Variants in PTPRM observed in about 807,000 individuals in gnomAD.
The protein encoded by PTPRM is protein tyrosine phosphatase receptor type M, also known as receptor-type tyrosine-protein phosphatase mu.
PTPRM carries 47 observed loss-of-function variants against 186.7 expected under a neutral mutation model. The observed-to-expected ratio is 0.25, with a 90% CI of 0.20 to 0.32. The LOEUF is 0.32. Among genes scored for constraint, PTPRM ranks in the 10% least tolerant of loss-of-function variants. The probability of loss-of-function intolerance (pLI) is 1.00; values close to 1 mark genes in which losing one functional copy is unlikely to be tolerated. For missense variants in PTPRM, 1,494 were observed against 1,865.0 expected (o/e 0.80, Z 3.66); for synonymous variants, 668 against 674.9 (o/e 0.99, Z 0.16).
chr18:8,008,757 C>T (rs2084340152), intron 7 of PTPRM, among the ~76,000 whole-genome samples: 1 of 150,354 alleles, frequency 6.7e-6, no homozygotes, highest in Non-Finnish European at 1.5e-5. Flanking sequence ...CATAGAAACA[C>T]GCACGTGCTT....
intron 14 of PTPRM, 43 bp downstream of exon 14, chr18:8,143,822 GT>G: frequency 1.9e-6 from 3 of 1,605,126 alleles, no homozygotes; most frequent in Non-Finnish European, 2.6e-6. Flanking sequence ...ATATCCCATT[GT>G]TTGCTGGAAT....
Position 8,076,508 on chromosome 18 carries a change from A to T in PTPRM, c.1495A>T (p.Ile499Leu). The T allele has an allele frequency of 6.2e-7, 1 of 1,610,552 alleles. No individual in the cohort carries two copies. Among genetic ancestry groups the T allele is most frequent in the Non-Finnish European group, 8.5e-7 (1 of 1,177,460 alleles). Residue 499 changes from isoleucine to leucine, a missense_variant, in exon 9 of 33, where the codon ATA becomes TTA. Physicochemically the swap from Ile to Leu is conservative, Grantham distance 5. Coordinates refer to ENST00000580170, the MANE Select transcript of PTPRM (RefSeq NM_001105244.2). ...SIQGSTFEEK[I>L]FLQWREPTQT... ...ACAAGGAAGTACCTTTGAAGAGAAGATATTTCTTCAGTGGAGAGAACCAAC... is the reference window on the plus strand; with the variant it reads ...ACAAGGAAGTACCTTTGAAGAGAAGTTATTTCTTCAGTGGAGAGAACCAAC...
intron 14 of PTPRM, among the ~76,000 whole-genome samples, chr18:8,219,281 C>T (rs531130319): frequency 1.6e-3 from 241 of 152,244 alleles, no homozygotes; most frequent in African/African-American, 5.5e-3. Flanking sequence ...TCCTGGCTAA[C>T]ATGGTGAAAC....
At chr18:7,960,811 G>A (rs1272210913) in intron 7 of PTPRM, among the ~76,000 whole-genome samples, 2 of 151,970 alleles carry the variant, frequency 1.3e-5, no homozygotes, top group African/African-American at 2.4e-5. Flanking sequence ...ACAATACAGT[G>A]TCAGATAAAT....
At chr18:7,993,753 G>A (rs1302367144) in intron 7 of PTPRM, among the ~76,000 whole-genome samples, 1 of 152,032 alleles carries the variant, frequency 6.6e-6, no homozygotes, top group Non-Finnish European at 1.5e-5. Flanking sequence ...GAAGTGAAAG[G>A]ATGTTCTCCA....
At chr18:7,597,680 G>C (rs1567974847) in intron 1 of PTPRM, among the ~76,000 whole-genome samples, 1 of 152,174 alleles carries the variant, frequency 6.6e-6, no homozygotes, top group African/African-American at 2.4e-5. Flanking sequence ...TCATGAAGTG[G>C]ATTATGGAAT....
At chr18:7,677,591 G>C (rs2039374959) in intron 1 of PTPRM, among the ~76,000 whole-genome samples, 1 of 152,086 alleles carries the variant, frequency 6.6e-6, no homozygotes, top group Non-Finnish European at 1.5e-5. Context: ...CACGTGGCTG[G>C]GCAAATTCTT....
chr18:7,792,968 T>C (rs921120700), intron 2 of PTPRM, among the ~76,000 whole-genome samples: 1 of 152,226 alleles, frequency 6.6e-6, no homozygotes, highest in Non-Finnish European at 1.5e-5. Context: ...ATAATTTTTT[T>C]AAATTTTATT....
intron 19 of PTPRM, among the ~76,000 whole-genome samples, chr18:8,274,600 T>A (rs1026123751): frequency 9.9e-5 from 15 of 152,204 alleles, no homozygotes; most frequent in Admixed American, 9.8e-4. Context: ...GAAGGCCATT[T>A]TTCAGAATGA....
intron 26 of PTPRM, chr18:8,377,265 G>T (rs2095702470): frequency 6.6e-6 from 1 of 152,160 alleles, no homozygotes; most frequent in Non-Finnish European, 1.5e-5. Context: ...TGAAGAAGAA[G>T]TAAGAATCCC....
At chr18:7,603,828 G>A (rs2037465301) in intron 1 of PTPRM, among the ~76,000 whole-genome samples, 2 of 152,144 alleles carry the variant, frequency 1.3e-5, no homozygotes. Flanking sequence ...CTGCTGTGTG[G>A]CACCCTGGCC....
At chr18:8,263,142 T>C (rs1434257723) in intron 19 of PTPRM, among the ~76,000 whole-genome samples, 3 of 152,066 alleles carry the variant, frequency 2.0e-5, no homozygotes, top group Non-Finnish European at 4.4e-5. Flanking sequence ...GGAGTCTCAC[T>C]CTGCTGCCCA....
intron 4 of PTPRM, among the ~76,000 whole-genome samples, chr18:7,920,931 A>C (rs942011316): frequency 6.6e-5 from 10 of 151,172 alleles, no homozygotes; most frequent in Non-Finnish European, 1.0e-4. Context: ...CTTCTTATAC[A>C]CTCCTGTTTT....
At chr18:7,764,430 A>G (rs1156837991) in intron 1 of PTPRM, among the ~76,000 whole-genome samples, 4 of 152,174 alleles carry the variant, frequency 2.6e-5, no homozygotes, top group African/African-American at 7.2e-5. Context: ...GTTTGAGACT[A>G]CTGATCTCTG....
chr18:8,379,863 A>G (rs1479254132), intron 28 of PTPRM, among the ~76,000 whole-genome samples: 1 of 152,166 alleles, frequency 6.6e-6, no homozygotes, highest in Non-Finnish European at 1.5e-5. Context: ...AGCTCTTCAG[A>G]GCTGTAAAAA....
At chr18:7,877,400 G>T (rs542731862) in intron 2 of PTPRM, among the ~76,000 whole-genome samples, 2 of 152,204 alleles carry the variant, frequency 1.3e-5, no homozygotes, top group South Asian at 2.1e-4. Flanking sequence ...CTGTGTAATC[G>T]CATGATCATT....
At chr18:7,647,614 GCTGGTGTGTC>G (rs2038596836) in intron 1 of PTPRM, among the ~76,000 whole-genome samples, 1 of 152,210 alleles carries the variant, frequency 6.6e-6, no homozygotes, top group East Asian at 1.9e-4. Context: ...GTAAGGCTAC[GCTGGTGTGTC>G]CTGGTCATGC....
chr18:8,024,348 C>T (rs138928936), intron 7 of PTPRM, among the ~76,000 whole-genome samples: 183 of 152,106 alleles, frequency 1.2e-3, no homozygotes, highest in African/African-American at 4.1e-3. Context: ...GGGGCCTGAT[C>T]GATTGTTCAC....
At position 7,572,013 on chromosome 18, in the gene PTPRM, C is replaced by T. The variant is rs117779073; in HGVS notation, c.73+4122C>T. ...GCATTTTACATTTTCAAGGTGCTTT[C>T]GCTAGATTGAAAATTGATAATGAAG... is the stretch of plus-strand genomic sequence containing the variant. On this transcript the variant is annotated intron_variant, in intron 1 of 32. Transcript: ENST00000580170. Among the ~76,000 whole-genome samples, 1,495 of 152,178 alleles carry T rather than the reference C, an allele frequency of 9.8e-3. 19 individuals are homozygous for T. The highest frequency in any genetic ancestry group is 0.016 in the Admixed American group (239 of 15,290).
Sources: allele counts gnomAD v4.1 joint callset (sites outside exome capture counted in the v4.1 genomes callset), GRCh38; gene constraint gnomAD v4.1.1; transcripts MANE v1.5; gene names NCBI Gene and HGNC (gene_info 2026-07-23, HGNC 2026-07-21).